Variants in NCKAP5 observed in about 807,000 individuals in gnomAD.
NCKAP5 encodes nck-associated protein 5.
Under a neutral mutation model 167.0 loss-of-function variants are expected in NCKAP5, and 92 were observed. The observed-to-expected ratio is 0.55, with a 90% confidence interval of 0.47 to 0.66. The LOEUF is 0.66. Among genes scored for constraint, NCKAP5 ranks in the 30% least tolerant of loss-of-function variants. NCKAP5 has a pLI of 0.00. For synonymous variants in NCKAP5, 891 were observed against 877.4 expected (o/e 1.02, Z -0.27); for missense variants, 2,378 against 2,315.0 (o/e 1.03, Z -0.56).
At chr2:132,869,288 T>C (rs1363181812) in intron 9 of NCKAP5, among the ~76,000 whole-genome samples, 2 of 152,182 alleles carry the variant, frequency 1.3e-5, no homozygotes, top group Non-Finnish European at 1.5e-5. Flanking sequence ...TAAAAAATGA[T>C]ATAGTGCAAA....
At chr2:132,945,311 G>A (rs1299068499) in intron 8 of NCKAP5, among the ~76,000 whole-genome samples, 1 of 152,124 alleles carries the variant, frequency 6.6e-6, no homozygotes, top group Non-Finnish European at 1.5e-5. Flanking sequence ...GTGGGGAAAT[G>A]ATCATAAGCA....
At chr2:133,632,546 A>G in the NCKAP5 span, among the ~76,000 whole-genome samples, 1 of 152,216 alleles carries the variant, frequency 6.6e-6, no homozygotes, top group Non-Finnish European at 1.5e-5. Flanking sequence ...TACAATGGTC[A>G]TCAGAACAAG....
intron 7 of NCKAP5, among the ~76,000 whole-genome samples, chr2:132,975,871 A>G (rs1214317363): frequency 6.6e-6 from 1 of 152,102 alleles, no homozygotes; most frequent in Non-Finnish European, 1.5e-5. Context: ...AGGAATTCAC[A>G]GGGTAGGGAA....
intron 6 of NCKAP5, among the ~76,000 whole-genome samples, chr2:133,099,743 T>C (rs1252605823): frequency 6.6e-6 from 1 of 152,240 alleles, no homozygotes; most frequent in African/African-American, 2.4e-5. Context: ...ACAACTTTTT[T>C]CCTTAACCAT....
intron 18 of NCKAP5, 37 bp from the exon 19 acceptor site, chr2:132,725,796 A>T: frequency 1.2e-6 from 2 of 1,605,194 alleles, no homozygotes; most frequent in Non-Finnish European, 1.7e-6. Flanking sequence ...GATAATTCAT[A>T]CAAATCAAAA....
rs1182493241 is a variant in NCKAP5 at position 133,290,008 on chromosome 2, C to T, written c.143+13029G>A. Among the ~76,000 whole-genome samples, 6 of 152,148 alleles carry T rather than the reference C, an allele frequency of 3.9e-5. No homozygotes were observed. The East Asian group carries it at 1.2e-3, about 29-fold the overall frequency. On this transcript the variant is annotated intron_variant, in intron 4 of 19. Transcript: ENST00000409261. ...TTCACCTTCATGATCCAGTCACCTC[C>T]CACTGGGCCCCTCCTCCAATTCTGG...
chr2:132,989,736 A>C (rs2077396673), intron 7 of NCKAP5, among the ~76,000 whole-genome samples: 1 of 152,198 alleles, frequency 6.6e-6, no homozygotes. Context: ...CCATCAAAAT[A>C]TTCCACAGAT....
chr2:133,433,351 G>A (rs1437749591), intron 3 of NCKAP5: 1 of 152,138 alleles, frequency 6.6e-6, no homozygotes, highest in African/African-American at 2.4e-5. Flanking sequence ...CTGCCAATTT[G>A]ATACCTTTTA....
intron 3 of NCKAP5, among the ~76,000 whole-genome samples, chr2:133,510,910 A>C (rs1683432074): frequency 6.6e-6 from 1 of 152,170 alleles, no homozygotes; most frequent in Non-Finnish European, 1.5e-5. Flanking sequence ...TAGAGTTCCT[A>C]CCTTAAAGGG....
chr2:133,083,192 T>C lies in NCKAP5; in HGVS notation c.341+46786A>G, dbSNP rs535970567. ...CGCTGTAAGAGAATTATATGAGCTT[T>C]CTTCTTATGGCCACTTGCATATTAG... On this transcript the variant is annotated intron_variant, in intron 6 of 19. Transcript: ENST00000409261. Among the ~76,000 whole-genome samples the C allele has an allele frequency of 1.2e-4, 18 of 152,308 alleles. No individual in the cohort carries two copies. The South Asian group carries it at 3.7e-3, about 32-fold the overall frequency.
At chr2:133,489,427 TAC>T (rs1389990751) in intron 3 of NCKAP5, among the ~76,000 whole-genome samples, 1 of 152,200 alleles carries the variant, frequency 6.6e-6, no homozygotes, top group African/African-American at 2.4e-5. Flanking sequence ...AGTCGGAGAA[TAC>T]ACAGTCATCC....
At chr2:132,677,385 C>T (rs1302156563) in intron 19 of NCKAP5, among the ~76,000 whole-genome samples, 5 of 152,146 alleles carry the variant, frequency 3.3e-5, no homozygotes, top group African/African-American at 4.8e-5. Flanking sequence ...GTGGCATATT[C>T]TCCAGAAATC....
At chr2:132,747,491 C>T (rs1391603928) in intron 16 of NCKAP5, among the ~76,000 whole-genome samples, 3 of 120,114 alleles carry the variant, frequency 2.5e-5, no homozygotes, top group African/African-American at 9.6e-5. Flanking sequence ...GTGAAATGGT[C>T]ACTTGAAGAA....
At chr2:132,843,819 T>C in intron 11 of NCKAP5, among the ~76,000 whole-genome samples, 1 of 152,162 alleles carries the variant, frequency 6.6e-6, no homozygotes. Context: ...CTTTCCCTTG[T>C]TAATTTAAAA....
intron 8 of NCKAP5, among the ~76,000 whole-genome samples, chr2:132,883,346 G>A (rs1330569045): frequency 6.6e-6 from 1 of 151,852 alleles, no homozygotes; most frequent in South Asian, 2.1e-4. Context: ...TTCCTACTTT[G>A]CCAGGGTATA....
intron 8 of NCKAP5, among the ~76,000 whole-genome samples, chr2:132,905,814 T>C (rs957733532): frequency 1.3e-5 from 2 of 152,210 alleles, no homozygotes; most frequent in African/African-American, 4.8e-5. Flanking sequence ...TTATCCGTTC[T>C]AATGCTCTTC....
chr2:132,700,812 AT>A (rs1202119043), intron 19 of NCKAP5, among the ~76,000 whole-genome samples: 1 of 151,162 alleles, frequency 6.6e-6, no homozygotes, highest in Non-Finnish European at 1.5e-5. Flanking sequence ...TTAGATTCAT[AT>A]GTTTTTAGAA....
rs540809562 is a variant in NCKAP5 at position 133,001,948 on chromosome 2, C to T, written c.342-7709G>A. ...ATCCACATGAATGAAGTGTAGGCGT[C>T]GTATTAGGTATTAAAAGTAATCTTG... On this transcript the variant is annotated intron_variant, in intron 6 of 19. Coordinates refer to ENST00000409261, the MANE Select transcript of NCKAP5 (RefSeq NM_207363.3). Among the ~76,000 whole-genome samples, 8 of 152,150 alleles carry T rather than the reference C, an allele frequency of 5.3e-5. No individual in the cohort carries two copies. The South Asian group carries it at 1.2e-3, about 24-fold the overall frequency.
rs1413240902 is a variant in NCKAP5, at chr2:132,782,335, C to T, written c.4476G>A (p.Lys1492=). 6.2e-7 allele frequency: 1 copy of T among 1,614,062 alleles called. No homozygotes were observed. The highest frequency in any genetic ancestry group is 8.5e-7 in the Non-Finnish European group (1 of 1,179,910). The change falls in exon 14 of 20, where the codon AAG becomes AAA. Residue 1492 remains lysine, a synonymous_variant. Coordinates refer to ENST00000409261, the MANE Select transcript of NCKAP5 (RefSeq NM_207363.3). ...ENVEKGQVQT[K]PTSVEAKQKP... ...TCTGCTTTGCTTCCACAGAGGTGGG[C>T]TTTGTTTGCACTTGGCCCTTTTCCA...
Sources: allele counts gnomAD v4.1 joint callset (sites outside exome capture counted in the v4.1 genomes callset), GRCh38; gene constraint gnomAD v4.1.1; transcripts MANE v1.5; gene names NCBI Gene and HGNC (gene_info 2026-07-23, HGNC 2026-07-21).